Variants in PIWIL4 observed in about 807,000 individuals in gnomAD.
The protein encoded by PIWIL4 is piwi like RNA-mediated gene silencing 4.
A neutral mutation model predicts 100.9 loss-of-function variants in PIWIL4; 50 were observed. The observed-to-expected ratio is 0.50, with a 90% CI of 0.39 to 0.63. The LOEUF (loss-of-function observed/expected upper bound fraction) is 0.63. PIWIL4 is among the 20% of genes least tolerant of loss of function. PIWIL4 has a pLI of 0.00. For missense variants in PIWIL4, 887 were observed against 1,043.3 expected (o/e 0.85, Z 2.06); for synonymous variants, 342 against 367.5 (o/e 0.93, Z 0.79).
intron 9 of PIWIL4, among the ~76,000 whole-genome samples, chr11:94,594,255 TC>T (rs1474062897): frequency 6.6e-6 from 1 of 151,930 alleles, no homozygotes; most frequent in Non-Finnish European, 1.5e-5. Flanking sequence ...TCACCTGAAG[TC>T]AGGAGTTCGA....
At chr11:94,570,958 G>T (rs933289721) in intron 2 of PIWIL4, among the ~76,000 whole-genome samples, 1 of 152,058 alleles carries the variant, frequency 6.6e-6, no homozygotes, top group Non-Finnish European at 1.5e-5. Context: ...TCTGACCCCG[G>T]TGTTTTTTAT....
At chr11:94,577,600 G>T in intron 4 of PIWIL4, 108 bp downstream of exon 4, 1 of 894,726 alleles carries the variant, frequency 1.1e-6, no homozygotes, top group Non-Finnish European at 1.6e-6. Context: ...AAGGTTTGTG[G>T]AAAAATAGAA....
intron 3 of PIWIL4, among the ~76,000 whole-genome samples, chr11:94,575,995 C>T (rs1442764794): frequency 6.6e-6 from 1 of 152,192 alleles, no homozygotes; most frequent in Non-Finnish European, 1.5e-5. Flanking sequence ...AGATTTCTTG[C>T]TCCTACCAGA....
Position 94,587,098 on chromosome 11 carries a change from G to A in PIWIL4, c.765G>A (p.Arg255=), listed in dbSNP as rs759350034. ...GFAISVSYFE[R]KLLFSADVSY... ...CCATTTCTGTGTCATATTTTGAAAG[G>A]AAGCTCCTGTTTAGTGCTGATGTGA... Residue 255 remains arginine (R), a synonymous_variant, in exon 7 of 20, where the codon AGG becomes AGA. Coordinates refer to ENST00000299001, the MANE Select transcript of PIWIL4 (RefSeq NM_152431.3). 6.2e-7 allele frequency: 1 copy of A among 1,613,960 alleles called. No individual in the cohort carries two copies. Among genetic ancestry groups the A allele is most frequent in the Non-Finnish European group, 8.5e-7 (1 of 1,179,934 alleles).
In PIWIL4 at chr11:94,621,000, A is replaced by G; in HGVS notation, c.*8A>G. On this transcript the variant is annotated 3_prime_UTR_variant, in exon 20 of 20. Coordinates refer to ENST00000299001, the MANE Select transcript of PIWIL4 (RefSeq NM_152431.3). The stretch of plus-strand genomic sequence containing the variant: ...CATCTCTTCTACCTGTGATGGCATG[A>G]ACTACTGGCATCACTAGATGGACAA... The G allele has an allele frequency of 6.4e-7, 1 of 1,574,406 alleles. No homozygotes were observed. Among genetic ancestry groups the G allele is most frequent in the Non-Finnish European group, 8.7e-7 (1 of 1,144,168 alleles).
intron 15 of PIWIL4, among the ~76,000 whole-genome samples, chr11:94,613,005 A>G (rs1433133677): frequency 2.0e-5 from 3 of 152,018 alleles, no homozygotes; most frequent in African/African-American, 7.3e-5. Context: ...ATAAACAACT[A>G]TTACAGTATT....
At chr11:94,609,926 A>G (rs1436145059) in intron 15 of PIWIL4, among the ~76,000 whole-genome samples, 2 of 151,978 alleles carry the variant, frequency 1.3e-5, no homozygotes, top group Admixed American at 6.5e-5. Flanking sequence ...GCAAATTTCA[A>G]CTATACAATA....
intron 15 of PIWIL4, among the ~76,000 whole-genome samples, chr11:94,609,302 A>G (rs145239341): frequency 4.8e-4 from 73 of 152,344 alleles, no homozygotes; most frequent in African/African-American, 1.7e-3. Flanking sequence ...GACAGCTATT[A>G]AAAACAGGCA....
Position 94,616,574 on chromosome 11 carries a change from T to C in PIWIL4, c.2014+11T>C, listed in dbSNP as rs1440294983. On this transcript the variant is annotated intron_variant, in intron 16 of 19. Coordinates refer to ENST00000299001, the MANE Select transcript of PIWIL4 (RefSeq NM_152431.3). ...AAGTTTTCATGACTGGTACTAAAAATATAGCAATGTGGGTGGGCTCCAAGG... is the reference window on the plus strand; with the variant it reads ...AAGTTTTCATGACTGGTACTAAAAACATAGCAATGTGGGTGGGCTCCAAGG... The C allele has an allele frequency of 3.1e-6, 5 of 1,591,634 alleles. No individual in the cohort carries two copies. Among genetic ancestry groups the C allele is most frequent in the Non-Finnish European group, 4.3e-6 (5 of 1,165,608 alleles).
Position 94,607,432 on chromosome 11 carries a change from C to CT in PIWIL4, c.1639-3dup. The CT allele has an allele frequency of 6.2e-7, 1 of 1,611,466 alleles. No homozygotes were observed. Among genetic ancestry groups the CT allele is most frequent in the African/African-American group, 1.3e-5 (1 of 74,914 alleles). Reference sequence around the variant, plus strand: ...CTTCCAAAATCTTTTGCTGTTTTTGCTTTTAGGTAATGTGCATTCTGCCTT... The same window carrying CT: ...CTTCCAAAATCTTTTGCTGTTTTTGCTTTTTAGGTAATGTGCATTCTGCCTT... On this transcript the variant is annotated splice_region_variant and splice_polypyrimidine_tract_variant and intron_variant, in intron 13 of 19. Coordinates refer to ENST00000299001, the MANE Select transcript of PIWIL4 (RefSeq NM_152431.3).
intron 8 of PIWIL4, among the ~76,000 whole-genome samples, chr11:94,590,779 T>C (rs4753608): frequency 0.16 from 23,614 of 152,156 alleles, 2,224 homozygotes; most frequent in African/African-American, 0.26. Flanking sequence ...CTGTTCCCAC[T>C]GCATTAATGC....
intron 3 of PIWIL4, 98 bp from the exon 4 acceptor site, chr11:94,577,180 C>A: frequency 1.0e-6 from 1 of 989,512 alleles, no homozygotes; most frequent in Non-Finnish European, 1.5e-6. Flanking sequence ...TTTAAAGCAA[C>A]TACTATGCAT....
rs564654353 is a variant in PIWIL4 at position 94,584,980 on chromosome 11, C to T, written c.636-465C>T. 3.3e-5 allele frequency among the ~76,000 whole-genome samples: 5 copies of T among 152,304 alleles called. No individual in the cohort carries two copies. The East Asian group carries it at 5.8e-4, about 18-fold the overall frequency. On this transcript the variant is annotated intron_variant, in intron 5 of 19. Transcript: ENST00000299001. ...ACTGCGGAGGCTGAGGCAAGAGAATCGCTTAACCCGGGAGGCGGAGGTTGC... is the reference window on the plus strand; with the variant it reads ...ACTGCGGAGGCTGAGGCAAGAGAATTGCTTAACCCGGGAGGCGGAGGTTGC...
At chr11:94,590,723 A>G (rs1210212350) in intron 8 of PIWIL4, among the ~76,000 whole-genome samples, 2 of 152,116 alleles carry the variant, frequency 1.3e-5, no homozygotes, top group Middle Eastern at 3.2e-3. Context: ...CTTGTCACCA[A>G]GACGAGTTCT....
intron 19 of PIWIL4, 45 bp from the exon 20 acceptor site, chr11:94,620,831 A>G: frequency 7.0e-7 from 1 of 1,428,960 alleles, no homozygotes; most frequent in Non-Finnish European, 9.8e-7. Context: ...CTCTTTGAAG[A>G]ACAAGGTAAT....
At chr11:94,620,845 T>C (rs1210070298) in intron 19 of PIWIL4, 31 bp from the exon 20 acceptor site, 3 of 1,512,552 alleles carry the variant, frequency 2.0e-6, no homozygotes, top group African/African-American at 2.7e-5. Context: ...AGGTAATCTC[T>C]TAATTATTAT....
Position 94,585,461 on chromosome 11 carries a change from T to C in PIWIL4, c.652T>C (p.Ser218Pro). Residue 218 changes from serine to proline, a missense_variant, in exon 6 of 20, where the codon TCC becomes CCC. Transcript: ENST00000299001. ...TACTTGCAGGATCCTCAAAAAGTTG[T>C]CCATGTACCAAATTGGACGGAACTT... ...IIFRKILKKL[S>P]MYQIGRNFYN... 1 of 1,610,342 alleles carries C rather than the reference T, an allele frequency of 6.2e-7. No homozygotes were observed. The highest frequency in any genetic ancestry group is 1.1e-5 in the South Asian group (1 of 89,922).
At chr11:94,582,255 G>T (rs1948330442) in intron 4 of PIWIL4, among the ~76,000 whole-genome samples, 1 of 152,072 alleles carries the variant, frequency 6.6e-6, no homozygotes, top group South Asian at 2.1e-4. Flanking sequence ...TTGTTCCAAA[G>T]CCCCTGCAGC....
intron 17 of PIWIL4, among the ~76,000 whole-genome samples, chr11:94,619,554 C>T (rs7934686): frequency 0.057 from 8,697 of 152,182 alleles, 289 homozygotes; most frequent in Middle Eastern, 0.11. Context: ...GGGATAGCAT[C>T]CTTTTGCAAC....
Sources: gnomAD v4.1 joint callset for allele counts (sites outside exome capture counted in the v4.1 genomes callset) on GRCh38, gnomAD v4.1.1 for gene constraint, MANE v1.5 for transcripts, NCBI Gene and HGNC (gene_info 2026-07-23, HGNC 2026-07-21) for gene names.